The following PLCH1 variants were observed in gnomAD, a reference collection of about 807,000 sequenced individuals.
PLCH1 encodes phospholipase C eta 1.
Under a neutral mutation model 126.7 loss-of-function variants are expected in PLCH1, and 60 were observed. The ratio of observed to expected loss-of-function variants is 0.47; its 90% confidence interval spans 0.38 to 0.59. PLCH1 has a LOEUF of 0.59. Ranked by LOEUF, PLCH1 falls within the 20% of genes least tolerant of loss-of-function variation. The pLI is 0.00. For missense variants in PLCH1, 1,723 were observed against 2,040.0 expected (o/e 0.84, Z 2.99); for synonymous variants, 719 against 734.9 (o/e 0.98, Z 0.35).
chr3:155,547,582 C>G (rs1193833475), intron 10 of PLCH1, among the ~76,000 whole-genome samples: 1 of 152,018 alleles, frequency 6.6e-6, no homozygotes, highest in African/African-American at 2.4e-5. Context: ...TATAAAGACA[C>G]ATGCACATGT....
At chr3:155,664,196 T>G (rs1192743609) in intron 2 of PLCH1, among the ~76,000 whole-genome samples, 1 of 152,204 alleles carries the variant, frequency 6.6e-6, no homozygotes, top group African/African-American at 2.4e-5. Context: ...GGTGCCTGAT[T>G]ATCTTGGCTA....
chr3:155,713,897 T>C (rs997915449), intron 1 of PLCH1, among the ~76,000 whole-genome samples: 11 of 152,222 alleles, frequency 7.2e-5, no homozygotes, highest in African/African-American at 2.4e-4. Context: ...ATTCATCTTT[T>C]ATTATAAATT....
chr3:155,519,569 C>G (rs1302914882), intron 11 of PLCH1, among the ~76,000 whole-genome samples: 1 of 151,926 alleles, frequency 6.6e-6, no homozygotes, highest in African/African-American at 2.4e-5. Flanking sequence ...AAGGAACCTT[C>G]CAAACAGTGG....
intron 2 of PLCH1, among the ~76,000 whole-genome samples, chr3:155,667,879 A>G (rs1742913410): frequency 6.9e-6 from 1 of 145,204 alleles, no homozygotes; most frequent in Non-Finnish European, 1.5e-5. Context: ...AGCCTGGCCA[A>G]CATGGCGAAA....
chr3:155,505,379 G>A (rs1229017233), intron 12 of PLCH1, among the ~76,000 whole-genome samples: 1 of 152,108 alleles, frequency 6.6e-6, no homozygotes, highest in East Asian at 1.9e-4. Context: ...TTATTCATTT[G>A]TCATCCTTAA....
At chr3:155,514,463 T>C (rs1485525748) in intron 12 of PLCH1, among the ~76,000 whole-genome samples, 1 of 152,200 alleles carries the variant, frequency 6.6e-6, no homozygotes, top group African/African-American at 2.4e-5. Flanking sequence ...CACCTGAGCA[T>C]GCATTAGGAA....
chr3:155,471,806 A>T lies in PLCH1; in HGVS notation c.2938+13550T>A, dbSNP rs1713261575. On this transcript the variant is annotated intron_variant, in intron 21 of 21. Coordinates refer to the PLCH1 transcript ENST00000494598. ...AATCGCTCAACTACATGGAAACTGA[A>T]CAACCTGCTCATGAATAACTACTGG... Among the ~76,000 whole-genome samples, 3 of 152,346 alleles carry T rather than the reference A, an allele frequency of 2.0e-5. No individual in the cohort carries two copies. In the South Asian group the frequency reaches 6.2e-4, roughly 32 times the overall value.
At chr3:155,720,504 C>T (rs889391035) in intron 1 of PLCH1, among the ~76,000 whole-genome samples, 6 of 151,974 alleles carry the variant, frequency 3.9e-5, no homozygotes, top group Non-Finnish European at 8.8e-5. Flanking sequence ...GTTTGTTGCC[C>T]ATTTGTATAT....
At chr3:155,733,292 G>A (rs58069104) in intron 1 of PLCH1, among the ~76,000 whole-genome samples, 3,391 of 152,224 alleles carry the variant, frequency 0.022, 131 homozygotes, top group African/African-American at 0.077. Context: ...AAAGCTAGAA[G>A]CATCATGCTA....
chr3:155,499,131 T>C (rs1717515229), intron 14 of PLCH1, among the ~76,000 whole-genome samples: 1 of 152,354 alleles, frequency 6.6e-6, no homozygotes, highest in South Asian at 2.1e-4. Context: ...AGGTATTCCA[T>C]TGTAGTTTTG....
At chr3:155,516,425 T>G (rs1046194044) in intron 11 of PLCH1, among the ~76,000 whole-genome samples, 1 of 152,078 alleles carries the variant, frequency 6.6e-6, no homozygotes, top group Admixed American at 6.5e-5. Context: ...AGGATTTACA[T>G]GAATTAAGAA....
intron 10 of PLCH1, among the ~76,000 whole-genome samples, chr3:155,534,015 A>G (rs1022101525): frequency 2.0e-5 from 3 of 152,194 alleles, no homozygotes; most frequent in African/African-American, 7.2e-5. Flanking sequence ...GGAGCCCTCA[A>G]GGCAGTATGG....
At chr3:155,652,891 A>T (rs1469469328) in intron 2 of PLCH1, among the ~76,000 whole-genome samples, 2 of 152,124 alleles carry the variant, frequency 1.3e-5, no homozygotes, top group African/African-American at 4.8e-5. Flanking sequence ...TGGCAGTTTT[A>T]TTCCTGGACC....
chr3:155,487,220 T>G (rs1008333972), intron 21 of PLCH1: 3 of 152,256 alleles, frequency 2.0e-5, no homozygotes, highest in Non-Finnish European at 4.4e-5. Context: ...GGCAGCTTTC[T>G]AAGGATAAGA....
intron 2 of PLCH1, among the ~76,000 whole-genome samples, chr3:155,627,644 A>AT (rs11380002): frequency 0.31 from 47,479 of 151,140 alleles, 8,424 homozygotes; most frequent in African/African-American, 0.46. Flanking sequence ...AAAAAAAAAA[A>AT]AACAAATTGA....
intron 2 of PLCH1, among the ~76,000 whole-genome samples, chr3:155,689,219 G>A (rs527568728): frequency 6.6e-6 from 1 of 152,310 alleles, no homozygotes; most frequent in African/African-American, 2.4e-5. Flanking sequence ...CCACCAAGGT[G>A]ATAACTCTAC....
At chr3:155,522,060 T>G (rs1721172994) in intron 11 of PLCH1, among the ~76,000 whole-genome samples, 1 of 152,166 alleles carries the variant, frequency 6.6e-6, no homozygotes. Flanking sequence ...TTTGCATAAC[T>G]ACATATATTT....
chr3:155,737,167 G>C (rs1176885565), intron 1 of PLCH1, among the ~76,000 whole-genome samples: 2 of 135,656 alleles, frequency 1.5e-5, no homozygotes, highest in African/African-American at 5.3e-5. Context: ...GGAAAGCGGA[G>C]GTTGCAGTGA....
intron 21 of PLCH1, among the ~76,000 whole-genome samples, chr3:155,465,319 A>G (rs73874808): frequency 0.053 from 8,067 of 152,108 alleles, 378 homozygotes; most frequent in African/African-American, 0.13. Flanking sequence ...GGTACCACTC[A>G]GAGTCATGAG....
Sources: allele counts gnomAD v4.1 joint callset (sites outside exome capture counted in the v4.1 genomes callset), GRCh38; gene constraint gnomAD v4.1.1; transcripts MANE v1.5; gene names NCBI Gene and HGNC (gene_info 2026-07-23, HGNC 2026-07-21).